Variants in CLNK observed in about 807,000 individuals in gnomAD.
CLNK encodes cytokine dependent hematopoietic cell linker.
CLNK carries 74 observed loss-of-function variants against 68.6 expected under a neutral mutation model. That is an observed-to-expected ratio of 1.08 (90% CI 0.89 to 1.31). The LOEUF (loss-of-function observed/expected upper bound fraction) is 1.31, where lower values mean the gene tolerates loss of function less well. Among genes scored for constraint, CLNK ranks in the 50% most tolerant of loss-of-function variants. The pLI is 0.00. For synonymous variants in CLNK, 198 were observed against 172.2 expected (o/e 1.15, Z -1.17); for missense variants, 553 against 515.3 (o/e 1.07, Z -0.71).
chr4:10,605,546 G>A (rs1003214025), intron 2 of CLNK, among the ~76,000 whole-genome samples: 1 of 152,140 alleles, frequency 6.6e-6, no homozygotes, highest in Non-Finnish European at 1.5e-5. Flanking sequence ...GTACACCTGG[G>A]TGGGGCACGG....
the CLNK span, among the ~76,000 whole-genome samples, chr4:10,708,232 TAGG>T: frequency 6.6e-6 from 1 of 152,160 alleles, no homozygotes; most frequent in East Asian, 1.9e-4. Context: ...CATCCGAAAG[TAGG>T]AGTATAATTT....
intron 2 of CLNK, among the ~76,000 whole-genome samples, chr4:10,607,307 C>T (rs902957423): frequency 2.0e-5 from 3 of 152,178 alleles, no homozygotes; most frequent in African/African-American, 4.8e-5. Flanking sequence ...TCTTTTCCCC[C>T]ACCTGAGTCA....
chr4:10,651,079 G>A (rs879300309), intron 2 of CLNK, among the ~76,000 whole-genome samples: 1 of 152,184 alleles, frequency 6.6e-6, no homozygotes, highest in Non-Finnish European at 1.5e-5. Flanking sequence ...TGGAGAAATA[G>A]GGACGCTCTT....
At chr4:10,536,272 C>T (rs970095522) in intron 11 of CLNK, among the ~76,000 whole-genome samples, 10 of 152,180 alleles carry the variant, frequency 6.6e-5, no homozygotes, top group Non-Finnish European at 8.8e-5. Flanking sequence ...CTGGCAGAGA[C>T]GGAGCAGGCA....
At chr4:10,692,222 G>A in the CLNK span, 1 of 152,096 alleles carries the variant, frequency 6.6e-6, no homozygotes, top group Admixed American at 6.6e-5. Context: ...AAACTCCTCA[G>A]CATAATGTTT....
chr4:10,517,952 C>G (rs995316146), intron 15 of CLNK, among the ~76,000 whole-genome samples: 2 of 151,748 alleles, frequency 1.3e-5, no homozygotes, highest in Non-Finnish European at 2.9e-5. Flanking sequence ...ATGTAACTCA[C>G]TATAAGTATT....
chr4:10,679,532 A>C (rs1023146158), intron 1 of CLNK, among the ~76,000 whole-genome samples: 8 of 152,226 alleles, frequency 5.3e-5, no homozygotes, highest in African/African-American at 1.9e-4. Context: ...AATTAAACTA[A>C]AGAGCTCCTG....
chr4:10,696,465 C>T, the CLNK span, among the ~76,000 whole-genome samples: 150 of 152,278 alleles, frequency 9.9e-4, no homozygotes, highest in African/African-American at 3.3e-3. Flanking sequence ...GGCTTGCTTG[C>T]GGCTCATGCA....
chr4:10,497,303 T>G (rs1716850708), intron 18 of CLNK, among the ~76,000 whole-genome samples: 2 of 152,346 alleles, frequency 1.3e-5, no homozygotes, highest in South Asian at 4.1e-4. Flanking sequence ...GCCTTGGATT[T>G]CTTTCTCATT....
chr4:10,564,898 T>A, intron 6 of CLNK, 121 bp from the exon 7 acceptor site: 1 of 680,018 alleles, frequency 1.5e-6, no homozygotes, highest in Non-Finnish European at 2.6e-6. Context: ...GAGCAAGCAA[T>A]TCTGCTTTCA....
intron 15 of CLNK, among the ~76,000 whole-genome samples, chr4:10,516,782 C>G (rs1049717669): frequency 6.6e-6 from 1 of 152,138 alleles, no homozygotes; most frequent in Admixed American, 6.5e-5. Context: ...AACTTCTGAT[C>G]TCAGGCGATC....
chr4:10,700,789 C>T, the CLNK span, among the ~76,000 whole-genome samples: 1 of 151,354 alleles, frequency 6.6e-6, no homozygotes, highest in East Asian at 1.9e-4. Flanking sequence ...ATGAAAGAAA[C>T]ATGGTTTTGT....
chr4:10,631,252 G>A (rs956740013), intron 2 of CLNK, among the ~76,000 whole-genome samples: 8 of 152,168 alleles, frequency 5.3e-5, no homozygotes, highest in East Asian at 1.9e-4. Context: ...GCACATTCAA[G>A]TGTCTAAGGT....
intron 2 of CLNK, among the ~76,000 whole-genome samples, chr4:10,655,013 A>G (rs1723908957): frequency 2.0e-5 from 3 of 148,818 alleles, no homozygotes; most frequent in Non-Finnish European, 4.5e-5. Context: ...AGGCAGGAGA[A>G]TGGCGTGAAT....
At chr4:10,630,227 TA>T (rs1396430733) in intron 2 of CLNK, among the ~76,000 whole-genome samples, 4 of 152,252 alleles carry the variant, frequency 2.6e-5, no homozygotes. Flanking sequence ...CTGAGCCTGA[TA>T]ATTTATTTGA....
At chr4:10,725,680 C>A in the CLNK span, among the ~76,000 whole-genome samples, 9 of 152,038 alleles carry the variant, frequency 5.9e-5, no homozygotes, top group Non-Finnish European at 8.8e-5. Context: ...GGTGAAACAC[C>A]TTCTCTACTA....
In CLNK at chr4:10,584,951, A is replaced by AGAGAACCAAGGGCAG; in HGVS notation, c.87_88insCTGCCCTTGGTTCTC (p.Ser29_Trp30insLeuProLeuValLeu). 4.3e-6 allele frequency: 7 copies of AGAGAACCAAGGGCAG among 1,613,774 alleles called. No individual in the cohort carries two copies. The highest frequency in any genetic ancestry group is 5.9e-6 in the Non-Finnish European group (7 of 1,179,812). ...CCTGTGGCACTATTGATGCGAGGCC[A>AGAGAACCAAGGGCAG]TGACCTAGGGCAGAAAAGAGAACCA... is the stretch of plus-strand genomic sequence containing the variant. On this transcript the variant is annotated inframe_insertion, in exon 4 of 19. Coordinates refer to ENST00000226951, the MANE Select transcript of CLNK (RefSeq NM_052964.4).
Position 10,571,796 on chromosome 4 carries a change from C to T in CLNK, c.113-18G>A. The T allele has an allele frequency of 1.2e-6, 2 of 1,608,370 alleles. No homozygotes were observed. Among genetic ancestry groups the T allele is most frequent in the Non-Finnish European group, 1.7e-6 (2 of 1,175,276 alleles). The stretch of plus-strand genomic sequence containing the variant: ...GTACTGGCCTGCCAACACAAACAGA[C>T]CGAGTGTTATTTTAATCACTGTGGT... On this transcript the variant is annotated intron_variant, in intron 4 of 18. Coordinates refer to ENST00000226951, the MANE Select transcript of CLNK (RefSeq NM_052964.4).
At chr4:10,512,216 A>G (rs1717618052) in intron 16 of CLNK, among the ~76,000 whole-genome samples, 1 of 152,038 alleles carries the variant, frequency 6.6e-6, no homozygotes, top group Non-Finnish European at 1.5e-5. Context: ...ACAAGGGACA[A>G]TAAAAGAAGG....
Sources: gnomAD v4.1 joint callset for allele counts (sites outside exome capture counted in the v4.1 genomes callset) on GRCh38, gnomAD v4.1.1 for gene constraint, MANE v1.5 for transcripts, NCBI Gene and HGNC (gene_info 2026-07-23, HGNC 2026-07-21) for gene names.